Variants in AGBL4 observed in about 807,000 individuals in gnomAD.
AGBL4 encodes the protein cytosolic carboxypeptidase 6.
Under a neutral mutation model 66.4 loss-of-function variants are expected in AGBL4, and 58 were observed. That is an observed-to-expected ratio of 0.87 (90% CI 0.71 to 1.09). The LOEUF (loss-of-function observed/expected upper bound fraction) is 1.09, where lower values mean the gene tolerates loss of function less well. Among genes scored for constraint, AGBL4 ranks in the 50% least tolerant of loss-of-function variants. AGBL4 has a pLI of 0.00. For missense variants in AGBL4, 579 were observed against 631.0 expected (o/e 0.92, Z 0.88); for synonymous variants, 234 against 222.9 (o/e 1.05, Z -0.44).
At chr1:48,728,525 A>T (rs1475730488) in intron 6 of AGBL4, among the ~76,000 whole-genome samples, 5 of 138,628 alleles carry the variant, frequency 3.6e-5, no homozygotes. Context: ...TTTGAGATTT[A>T]CTCATGAAAA....
chr1:49,360,214 G>C (rs906862632), intron 3 of AGBL4, among the ~76,000 whole-genome samples: 1 of 152,134 alleles, frequency 6.6e-6, no homozygotes. Context: ...TGAAGTCAGA[G>C]AGCCCTATTT....
At chr1:48,677,173 A>G (rs1247000339) in intron 6 of AGBL4, among the ~76,000 whole-genome samples, 1 of 152,208 alleles carries the variant, frequency 6.6e-6, no homozygotes, top group Non-Finnish European at 1.5e-5. Context: ...ACAAGAGAAC[A>G]TGCCTACATC....
At chr1:49,658,952 T>C (rs1471738548) in intron 3 of AGBL4, among the ~76,000 whole-genome samples, 1 of 152,058 alleles carries the variant, frequency 6.6e-6, no homozygotes, top group Non-Finnish European at 1.5e-5. Context: ...GGCACATGTA[T>C]ACATATGTAA....
intron 6 of AGBL4, among the ~76,000 whole-genome samples, chr1:48,753,968 C>T (rs141502285): frequency 3.5e-4 from 54 of 152,320 alleles, no homozygotes; most frequent in African/African-American, 1.3e-3. Flanking sequence ...TGGTGTCACA[C>T]TGCGTACATA....
intron 5 of AGBL4, among the ~76,000 whole-genome samples, chr1:48,989,167 G>A (rs79698962): frequency 0.011 from 1,750 of 152,196 alleles, 31 homozygotes; most frequent in African/African-American, 0.04. Flanking sequence ...ATGTCTAAGG[G>A]TAAAGTCTAA....
intron 6 of AGBL4, among the ~76,000 whole-genome samples, chr1:48,854,274 C>T (rs1647096748): frequency 6.6e-6 from 1 of 152,166 alleles, no homozygotes; most frequent in Non-Finnish European, 1.5e-5. Flanking sequence ...GCATCCTGCT[C>T]CATATCTGTT....
At chr1:49,322,702 GA>G (rs1427176417) in intron 3 of AGBL4, among the ~76,000 whole-genome samples, 1 of 152,180 alleles carries the variant, frequency 6.6e-6, no homozygotes, top group Non-Finnish European at 1.5e-5. Context: ...GGCAAGGAAG[GA>G]ATCTCTCTTA....
intron 3 of AGBL4, chr1:49,527,655 T>C (rs1330003734): frequency 6.6e-6 from 1 of 152,348 alleles, no homozygotes; most frequent in Non-Finnish European, 1.5e-5. Flanking sequence ...ACTGGACAAA[T>C]TACAACTCTT....
At chr1:49,894,846 A>T (rs1649027146) in intron 1 of AGBL4, among the ~76,000 whole-genome samples, 1 of 152,176 alleles carries the variant, frequency 6.6e-6, no homozygotes, top group African/African-American at 2.4e-5. Flanking sequence ...GAGATGGGTA[A>T]AAATTTTTTC....
In AGBL4 at chr1:48,929,117, ATGGTATAAC is replaced by A. The variant is rs1220391874; in HGVS notation, c.595-61896_595-61888del. 3.9e-5 allele frequency among the ~76,000 whole-genome samples: 6 copies of A among 152,322 alleles called. No homozygotes were observed. In the East Asian group the frequency reaches 1.2e-3, roughly 29 times the overall value. ...GCCCTTTGGCTGGCATGTCTCTGAG[ATGGTATAAC>A]TTGGCACATCTCCAATCCATTCTTG... is the stretch of plus-strand genomic sequence containing the variant. On this transcript the variant is annotated intron_variant, in intron 5 of 13. Coordinates refer to ENST00000371839, the MANE Select transcript of AGBL4 (RefSeq NM_032785.4).
At chr1:48,543,389 T>G (rs1569702989) in intron 11 of AGBL4, among the ~76,000 whole-genome samples, 1 of 37,306 alleles carries the variant, frequency 2.7e-5, no homozygotes, top group Non-Finnish European at 8.5e-5. Flanking sequence ...TTACCATCCA[T>G]CCATCCATCC....
chr1:48,533,421 T>A lies in AGBL4; in HGVS notation c.*752A>T, dbSNP rs932428326. ...TCATTGCAGATTAGCAATGCCTACATCTTCAGGGGCCAGGCTTAATCCCTG... is the reference window on the plus strand; with the variant it reads ...TCATTGCAGATTAGCAATGCCTACAACTTCAGGGGCCAGGCTTAATCCCTG... On this transcript the variant is annotated 3_prime_UTR_variant, in exon 14 of 14. Coordinates refer to ENST00000371839, the MANE Select transcript of AGBL4 (RefSeq NM_032785.4). 1 of 152,220 alleles carries A rather than the reference T, an allele frequency of 6.6e-6. No individual in the cohort carries two copies. Among genetic ancestry groups the A allele is most frequent in the African/African-American group, 2.4e-5 (1 of 41,414 alleles). 9.4% of individuals were successfully genotyped at this position (152,220 alleles called of 1,614,324 possible). A position where few individuals can be genotyped will look rare whatever the true frequency, so the allele number is the denominator to read the frequency against.
chr1:49,110,080 A>G lies in AGBL4; in HGVS notation c.378-64280T>C, dbSNP rs138401898. ...ACTAATTTGCATTGGCATTTACACTACAATAACTATTTGAAATCTAATCCA... is the reference window on the plus strand; with the variant it reads ...ACTAATTTGCATTGGCATTTACACTGCAATAACTATTTGAAATCTAATCCA... On this transcript the variant is annotated intron_variant, in intron 4 of 13. Transcript: ENST00000371839. Among the ~76,000 whole-genome samples, 308 of 152,336 alleles carry G rather than the reference A, an allele frequency of 2.0e-3. 2 individuals carry two copies. The highest frequency in any genetic ancestry group is 7.2e-3 in the African/African-American group (298 of 41,572).
At chr1:48,935,071 T>C (rs1157261600) in intron 5 of AGBL4, among the ~76,000 whole-genome samples, 1 of 152,220 alleles carries the variant, frequency 6.6e-6, no homozygotes, top group Non-Finnish European at 1.5e-5. Flanking sequence ...TCAATTTTGG[T>C]TATAGCCTGC....
chr1:48,536,320 C>G (rs1048988764), intron 12 of AGBL4, among the ~76,000 whole-genome samples: 1 of 152,066 alleles, frequency 6.6e-6, no homozygotes, highest in Non-Finnish European at 1.5e-5. Context: ...GGACAGGGTG[C>G]TCACAGGGGT....
chr1:48,648,185 A>G (rs1471855536), intron 8 of AGBL4, among the ~76,000 whole-genome samples: 1 of 152,182 alleles, frequency 6.6e-6, no homozygotes, highest in Non-Finnish European at 1.5e-5. Context: ...TGTAAAATTG[A>G]AGCCCTATGC....
chr1:49,881,031 G>T (rs187610265), intron 1 of AGBL4, among the ~76,000 whole-genome samples: 6 of 152,118 alleles, frequency 3.9e-5, no homozygotes, highest in Non-Finnish European at 8.8e-5. Flanking sequence ...CGCACAGTGC[G>T]CGCACCCACT....
chr1:49,106,503 G>A (rs533382633), intron 4 of AGBL4, among the ~76,000 whole-genome samples: 19 of 152,092 alleles, frequency 1.2e-4, no homozygotes, highest in Non-Finnish European at 2.4e-4. Flanking sequence ...CTTGGAAATG[G>A]GCCTAGTGAC....
chr1:48,630,864 A>G (rs1461163826), intron 9 of AGBL4, among the ~76,000 whole-genome samples: 3 of 152,100 alleles, frequency 2.0e-5, no homozygotes, highest in Non-Finnish European at 4.4e-5. Context: ...GCAGGTGCAC[A>G]TGCTGTTTCC....
Sources: allele counts gnomAD v4.1 joint callset (sites outside exome capture counted in the v4.1 genomes callset), GRCh38; gene constraint gnomAD v4.1.1; transcripts MANE v1.5; gene names NCBI Gene and HGNC (gene_info 2026-07-23, HGNC 2026-07-21).